Variants in GPC5 observed in about 807,000 individuals in gnomAD.
GPC5 encodes glypican 5.
Under a neutral mutation model 53.9 loss-of-function variants are expected in GPC5, and 47 were observed. The ratio of observed to expected loss-of-function variants is 0.87; its 90% CI spans 0.69 to 1.11. The LOEUF (loss-of-function observed/expected upper bound fraction) is 1.11. Among genes scored for constraint, GPC5 ranks in the 50% most tolerant of loss-of-function variants. The pLI is 0.00. For missense variants in GPC5, 748 were observed against 713.1 expected (o/e 1.05, Z -0.56); for synonymous variants, 286 against 263.3 (o/e 1.09, Z -0.84).
At chr13:91,926,611 T>C (rs1435978452) in intron 6 of GPC5, among the ~76,000 whole-genome samples, 2 of 152,144 alleles carry the variant, frequency 1.3e-5, no homozygotes, top group Admixed American at 1.3e-4. Context: ...TGCAAAAACA[T>C]GCCGGCTTCT....
intron 6 of GPC5, among the ~76,000 whole-genome samples, chr13:91,935,809 T>G (rs2139037947): frequency 6.6e-6 from 1 of 152,112 alleles, no homozygotes; most frequent in African/African-American, 2.4e-5. Flanking sequence ...GGTTTTGACC[T>G]TAAAGGATAA....
chr13:92,095,226 A>G (rs555216289), intron 6 of GPC5, among the ~76,000 whole-genome samples: 1 of 152,294 alleles, frequency 6.6e-6, no homozygotes, highest in Admixed American at 6.5e-5. Context: ...ACTCATATAA[A>G]TTGGGCTTAT....
At chr13:91,641,397 G>A (rs1041253911) in intron 2 of GPC5, among the ~76,000 whole-genome samples, 1 of 152,136 alleles carries the variant, frequency 6.6e-6, no homozygotes, top group Admixed American at 6.5e-5. Context: ...TCGTTTATAA[G>A]TGGGAGCTAA....
chr13:92,584,110 G>A (rs1420156879), intron 7 of GPC5, among the ~76,000 whole-genome samples: 1 of 152,164 alleles, frequency 6.6e-6, no homozygotes, highest in African/African-American at 2.4e-5. Flanking sequence ...CCAGTAGAGT[G>A]GGGCATTACT....
intron 6 of GPC5, among the ~76,000 whole-genome samples, chr13:92,121,844 A>C (rs1258270296): frequency 6.6e-6 from 1 of 152,202 alleles, no homozygotes; most frequent in Non-Finnish European, 1.5e-5. Context: ...TTTTCTGAAA[A>C]GATTGCTGAA....
chr13:92,308,640 G>A (rs1191684854), intron 7 of GPC5, among the ~76,000 whole-genome samples: 4 of 152,040 alleles, frequency 2.6e-5, no homozygotes, highest in Non-Finnish European at 4.4e-5. Context: ...AGCTCAATAA[G>A]GTTTTTTGAC....
chr13:92,563,032 C>T lies in GPC5; in HGVS notation c.1562-303250C>T, dbSNP rs1216850153. Among the ~76,000 whole-genome samples the T allele has an allele frequency of 2.6e-5, 4 of 152,086 alleles. No homozygotes were observed. In the East Asian group the frequency reaches 7.8e-4, roughly 30 times the overall value. On this transcript the variant is annotated intron_variant, in intron 7 of 7. Coordinates refer to ENST00000377067, the MANE Select transcript of GPC5 (RefSeq NM_004466.6). ...GAAGAAGATAAAAGATCTCTAAATA[C>T]CAAATTCCCCCACTCCAGTTTGGTG...
chr13:91,778,784 CT>C (rs2037751418), intron 5 of GPC5, among the ~76,000 whole-genome samples: 1 of 152,124 alleles, frequency 6.6e-6, no homozygotes, highest in Non-Finnish European at 1.5e-5. Flanking sequence ...GAAGATAATT[CT>C]AAGAAATGCA....
intron 7 of GPC5, among the ~76,000 whole-genome samples, chr13:92,788,367 G>GA (rs1262163510): frequency 1.3e-5 from 2 of 152,000 alleles, no homozygotes; most frequent in African/African-American, 4.8e-5. Flanking sequence ...AGCATATATT[G>GA]AATCTTAACA....
At chr13:92,816,748 C>T (rs1441877817) in intron 7 of GPC5, among the ~76,000 whole-genome samples, 1 of 152,002 alleles carries the variant, frequency 6.6e-6, no homozygotes, top group Non-Finnish European at 1.5e-5. Context: ...TTCTGAGGGA[C>T]AGAACCAAGA....
chr13:91,570,583 A>G (rs745986017), intron 2 of GPC5, among the ~76,000 whole-genome samples: 4 of 152,174 alleles, frequency 2.6e-5, no homozygotes, highest in African/African-American at 4.8e-5. Context: ...GGATCTTGCT[A>G]TATTTTCCAC....
chr13:92,616,450 G>A (rs574957632), intron 7 of GPC5, among the ~76,000 whole-genome samples: 1 of 152,228 alleles, frequency 6.6e-6, no homozygotes, highest in South Asian at 2.1e-4. Flanking sequence ...AAGTTATGGA[G>A]GACATAACTG....
intron 1 of GPC5, among the ~76,000 whole-genome samples, chr13:91,410,658 A>C (rs1368990311): frequency 6.6e-6 from 1 of 151,982 alleles, no homozygotes; most frequent in Non-Finnish European, 1.5e-5. Context: ...CCTTCATCTT[A>C]ATGGAATATC....
intron 2 of GPC5, among the ~76,000 whole-genome samples, chr13:91,674,880 A>G (rs2035345580): frequency 6.6e-6 from 1 of 151,788 alleles, no homozygotes; most frequent in South Asian, 2.1e-4. Flanking sequence ...TTTTCTCTCT[A>G]CTGATACTGT....
intron 2 of GPC5, among the ~76,000 whole-genome samples, chr13:91,493,664 T>C (rs1052180116): frequency 2.6e-5 from 4 of 152,166 alleles, no homozygotes; most frequent in Admixed American, 2.6e-4. Context: ...GAAATTGTGC[T>C]GTATCTCCCT....
chr13:91,923,182 A>T (rs1199186940), intron 6 of GPC5, among the ~76,000 whole-genome samples: 3 of 152,170 alleles, frequency 2.0e-5, no homozygotes, highest in Admixed American at 6.5e-5. Flanking sequence ...TGCCATACAT[A>T]GCTTTTGACT....
Position 91,448,924 on chromosome 13 carries a change from T to C in GPC5, c.325+2T>C, listed in dbSNP as rs764369884. 37 of 1,611,786 alleles carry C rather than the reference T, an allele frequency of 2.3e-5. No homozygotes were observed. The South Asian group carries it at 3.9e-4, about 17-fold the overall frequency. ...CTCGAAATGCGGCTGCTTTTCAAGGTAAGTGGATCTTGAATTCTGCAACTA... is the reference window on the plus strand; with the variant it reads ...CTCGAAATGCGGCTGCTTTTCAAGGCAAGTGGATCTTGAATTCTGCAACTA... On this transcript the variant is annotated splice_donor_variant, in intron 2 of 7. Transcript: ENST00000377067. LOFTEE classifies it high-confidence loss of function.
rs146830309 is a variant in GPC5, at chr13:92,800,569, C to G, written c.1562-65713C>G. Among the ~76,000 whole-genome samples, 315 of 151,944 alleles carry G rather than the reference C, an allele frequency of 2.1e-3. 2 individuals are homozygous for G. Among genetic ancestry groups the G allele is most frequent in the Admixed American group, 1.6e-3 (24 of 15,202 alleles). On this transcript the variant is annotated intron_variant, in intron 7 of 7. Transcript: ENST00000377067. ...TGTGAAAATTGGAATTACCAACATT[C>G]CAGGATCTTGCTCCTGCTTTATGAA...
At chr13:92,277,195 A>G (rs549408790) in intron 7 of GPC5, among the ~76,000 whole-genome samples, 6 of 152,154 alleles carry the variant, frequency 3.9e-5, no homozygotes, top group African/African-American at 1.4e-4. Context: ...TCAAGATTGT[A>G]GGGAATTGAC....
Sources: allele counts gnomAD v4.1 joint callset (sites outside exome capture counted in the v4.1 genomes callset), GRCh38; gene constraint gnomAD v4.1.1; transcripts MANE v1.5; gene names NCBI Gene and HGNC (gene_info 2026-07-23, HGNC 2026-07-21).